CCDC112: variants seen among roughly 807,000 people sequenced by gnomAD.
CCDC112 encodes coiled-coil domain containing 112, also known as coiled-coil domain-containing protein 112.
A neutral mutation model predicts 66.3 loss-of-function variants in CCDC112; 40 were observed. That is an observed-to-expected ratio of 0.60 (90% confidence interval 0.47 to 0.79). The LOEUF is 0.79. CCDC112 is among the 30% of genes least tolerant of loss of function. The pLI, the probability that CCDC112 is intolerant of heterozygous loss-of-function variation, is 0.00. For missense variants in CCDC112, 659 were observed against 603.8 expected (o/e 1.09, Z -0.96); for synonymous variants, 214 against 197.2 (o/e 1.09, Z -0.71).
chr5:115,285,230 A>G (rs1017154666), intron 1 of CCDC112, among the ~76,000 whole-genome samples: 3 of 152,214 alleles, frequency 2.0e-5, no homozygotes, highest in Admixed American at 6.5e-5. Flanking sequence ...GACACTAGGA[A>G]AACAATGATG....
chr5:115,285,654 T>C (rs1749644999), intron 1 of CCDC112, among the ~76,000 whole-genome samples: 1 of 152,164 alleles, frequency 6.6e-6, no homozygotes, highest in Non-Finnish European at 1.5e-5. Context: ...ACAGATATTT[T>C]AGGTCACTTA....
At chr5:115,283,748 T>A (rs267299) in intron 2 of CCDC112, among the ~76,000 whole-genome samples, 1 of 151,994 alleles carries the variant, frequency 6.6e-6, no homozygotes, top group Non-Finnish European at 1.5e-5. Context: ...TTTCTAAATA[T>A]AGACCTGCCA....
At chr5:115,293,088 G>C (rs945689751) in intron 1 of CCDC112, among the ~76,000 whole-genome samples, 3 of 152,192 alleles carry the variant, frequency 2.0e-5, no homozygotes, top group African/African-American at 7.2e-5. Context: ...TACGCTAAGT[G>C]AAACAGAGAT....
intron 1 of CCDC112, among the ~76,000 whole-genome samples, 166 bp from the exon 2 acceptor site, chr5:115,285,074 T>C (rs527551669): frequency 6.6e-6 from 1 of 152,342 alleles, no homozygotes; most frequent in South Asian, 2.1e-4. Context: ...GGAGTATCTA[T>C]CAAATGAAGG....
intron 7 of CCDC112, 145 bp from the exon 8 acceptor site, chr5:115,269,943 T>C (rs1748931148): frequency 3.5e-6 from 2 of 566,174 alleles, no homozygotes; most frequent in East Asian, 3.0e-5. Context: ...AAGAGCTTTA[T>C]TTTCTCTGAA....
intron 7 of CCDC112, 120 bp downstream of exon 7, chr5:115,271,093 G>T: frequency 6.0e-6 from 5 of 826,524 alleles, no homozygotes; most frequent in African/African-American, 1.7e-5. Context: ...TACTCATTTT[G>T]GTATACTAAT....
At chr5:115,288,951 G>A in intron 1 of CCDC112, 2 of 409,090 alleles carry the variant, frequency 4.9e-6, no homozygotes, top group Non-Finnish European at 9.5e-6. Flanking sequence ...GGGAGACAGG[G>A]ACTACTAAGA....
intron 3 of CCDC112, 163 bp from the exon 4 acceptor site, chr5:115,277,217 T>A (rs1358686010): frequency 1.9e-6 from 1 of 516,998 alleles, no homozygotes; most frequent in African/African-American, 1.9e-5. Context: ...GTACCTTTGT[T>A]CTAAATAAAG....
At position 115,271,542 on chromosome 5, in the gene CCDC112, G is replaced by A; in HGVS notation, c.1003C>T (p.Leu335Phe). ...TTATCCTCTTGTTTATTATGAAAAA[G>A]CACAGGTGTGTTGTCTGCCTTTTCC... ...LKEKADNTPVLFHNKQEDNQK... is the reference protein window; with the variant it reads ...LKEKADNTPVFFHNKQEDNQK... Residue 335 changes from leucine (L) to phenylalanine (F), a missense_variant, in exon 7 of 10, where the codon CTT (leucine) becomes TTT (phenylalanine). By Grantham distance (22) the Leu-to-Phe change is conservative. Transcript: ENST00000379611. 1 of 1,608,564 alleles carries A rather than the reference G, an allele frequency of 6.2e-7. No homozygotes were observed. Among genetic ancestry groups the A allele is most frequent in the South Asian group, 1.1e-5 (1 of 89,082 alleles).
At position 115,269,805 on chromosome 5, in the gene CCDC112, A is replaced by G; in HGVS notation, c.1333-7T>C. The G allele has an allele frequency of 6.6e-7, 1 of 1,518,866 alleles. No individual in the cohort carries two copies. Among genetic ancestry groups the G allele is most frequent in the Non-Finnish European group, 8.8e-7 (1 of 1,132,116 alleles). The allele number at this position is 1,518,866 out of a possible 1,614,324, so 94.1% of individuals were successfully genotyped here. A position where few individuals can be genotyped will look rare whatever the true frequency, so the allele number is the denominator to read the frequency against. ...GTTCAAGTTTATGTAAATCCTTAAA[A>G]AAAAAAACCCATAGCATTAAGAAAG... is the stretch of plus-strand genomic sequence containing the variant. On this transcript the variant is annotated splice_polypyrimidine_tract_variant and splice_region_variant and intron_variant, in intron 7 of 9. Coordinates refer to ENST00000379611, the MANE Select transcript of CCDC112 (RefSeq NM_001040440.3).
intron 9 of CCDC112, 90 bp from the exon 10 acceptor site, chr5:115,268,008 A>G (rs1748814468): frequency 5.2e-6 from 5 of 968,562 alleles, no homozygotes; most frequent in Non-Finnish European, 8.1e-6. Flanking sequence ...TTTAAAATAT[A>G]TATATAACCT....
chr5:115,284,829 T>C lies in CCDC112; in HGVS notation c.197A>G (p.Lys66Arg). Residue 66 changes from lysine to arginine, a missense_variant, in exon 2 of 10, where the codon AAG (lysine) becomes AGG (arginine). Physicochemically the swap from Lys to Arg is conservative, Grantham distance 26 (BLOSUM62 2). Coordinates refer to ENST00000379611, the MANE Select transcript of CCDC112 (RefSeq NM_001040440.3). Reference sequence around the variant, plus strand: ...TGCTGTGCGTACAAATTCTGCTTTCTTAGTCTGATTAACTTTCTGCTTCCA... The same window carrying C: ...TGCTGTGCGTACAAATTCTGCTTTCCTAGTCTGATTAACTTTCTGCTTCCA... ...QNWKQKVNQTKKAEFVRTAEK... is the reference protein window; with the variant it reads ...QNWKQKVNQTRKAEFVRTAEK... The C allele has an allele frequency of 6.2e-7, 1 of 1,611,728 alleles. No individual in the cohort carries two copies. Among genetic ancestry groups the C allele is most frequent in the Non-Finnish European group, 8.5e-7 (1 of 1,177,990 alleles).
intron 2 of CCDC112, chr5:115,280,340 C>T (rs918022493): frequency 3.3e-5 from 5 of 152,128 alleles, no homozygotes; most frequent in African/African-American, 1.2e-4. Context: ...ACTAAAACTT[C>T]GAGAGACTAA....
chr5:115,282,813 T>C (rs192090432), intron 2 of CCDC112, among the ~76,000 whole-genome samples: 13 of 152,220 alleles, frequency 8.5e-5, no homozygotes, highest in Admixed American at 5.2e-4. Context: ...ACCATGTAAA[T>C]ATATTACCTA....
Position 115,269,779 on chromosome 5 carries a change from A to T in CCDC112, c.1352T>A (p.Leu451Gln), listed in dbSNP as rs1188707567. 5.7e-6 allele frequency: 9 copies of T among 1,581,330 alleles called. No homozygotes were observed. The highest frequency in any genetic ancestry group is 7.7e-6 in the Non-Finnish European group (9 of 1,168,272). Reference protein sequence around the residue: ...FQERDLHKLELKILDRQAKED... With the variant: ...FQERDLHKLEQKILDRQAKED... ...CTTTGCCTGTCTATCTAGAATTTTC[A>T]GTTCAAGTTTATGTAAATCCTTAAA... Residue 451 changes from leucine (L) to glutamine (Q), a missense_variant, in exon 8 of 10, where the codon CTG (leucine) becomes CAG (glutamine). Transcript: ENST00000379611.
intron 5 of CCDC112, 23 bp from the exon 6 acceptor site, chr5:115,275,629 T>G (rs769794411): frequency 6.8e-7 from 1 of 1,476,838 alleles, no homozygotes; most frequent in Admixed American, 2.1e-5. Context: ...AAATAAAGTT[T>G]GAATAAGAAG....
intron 1 of CCDC112, among the ~76,000 whole-genome samples, chr5:115,292,410 C>A (rs140841740): frequency 9.9e-5 from 15 of 152,018 alleles, no homozygotes; most frequent in Non-Finnish European, 1.5e-4. Flanking sequence ...TCTCTTAGTT[C>A]TTTAGATATG....
chr5:115,275,747 A>G, intron 5 of CCDC112, 141 bp from the exon 6 acceptor site: 1 of 706,456 alleles, frequency 1.4e-6, no homozygotes, highest in Non-Finnish European at 2.2e-6. Flanking sequence ...GCCTTAAAAG[A>G]GTCTCCTCAG....
chr5:115,270,319 C>A (rs1336171014), intron 7 of CCDC112, among the ~76,000 whole-genome samples: 1 of 151,974 alleles, frequency 6.6e-6, no homozygotes, highest in Non-Finnish European at 1.5e-5. Context: ...TAGTTTTTTG[C>A]TTTACAAACA....
Sources: allele counts gnomAD v4.1 joint callset (sites outside exome capture counted in the v4.1 genomes callset), GRCh38; gene constraint gnomAD v4.1.1; transcripts MANE v1.5; gene names NCBI Gene and HGNC (gene_info 2026-07-23, HGNC 2026-07-21).